The following MAPK14 variants were observed in gnomAD, a reference collection of about 807,000 sequenced individuals.
The protein encoded by MAPK14 is CSAID-binding protein.
MAPK14 carries 16 observed loss-of-function variants against 49.6 expected under a neutral mutation model. The ratio of observed to expected loss-of-function variants is 0.32; its 90% CI spans 0.22 to 0.49. MAPK14 has a LOEUF of 0.49. MAPK14 is among the 20% of genes least tolerant of loss of function. The probability of loss-of-function intolerance (pLI) is 0.99; values close to 1 mark genes in which losing one functional copy is unlikely to be tolerated. For missense variants in MAPK14, 200 were observed against 441.2 expected (o/e 0.45, Z 4.90); for synonymous variants, 142 against 158.0 (o/e 0.90, Z 0.76).
chr6:36,048,386 A>C (rs546705576), intron 1 of MAPK14, among the ~76,000 whole-genome samples: 20 of 152,018 alleles, frequency 1.3e-4, no homozygotes, highest in Non-Finnish European at 2.6e-4. Flanking sequence ...TATGTTGCTC[A>C]GGCTGATCTC....
intron 9 of MAPK14, chr6:36,096,925 C>G (rs1175111905): frequency 6.6e-6 from 1 of 152,208 alleles, no homozygotes; most frequent in African/African-American, 2.4e-5. Context: ...TTCCCTCGAT[C>G]TGCTGCCAGG....
chr6:36,029,930 GGTATATACATTCAGTATATACATATTA>G (rs1762473738), intron 1 of MAPK14, among the ~76,000 whole-genome samples: 1 of 115,632 alleles, frequency 8.6e-6, no homozygotes, highest in African/African-American at 4.1e-5. Context: ...ATATTATATA[GGTATATACATTCAGTATATACATATTA>G]TATATATCTA....
intron 1 of MAPK14, among the ~76,000 whole-genome samples, chr6:36,035,677 T>A (rs1460863156): frequency 6.6e-6 from 1 of 152,214 alleles, no homozygotes; most frequent in East Asian, 1.9e-4. Context: ...AAAATTATAT[T>A]CCAGTAAACA....
intron 8 of MAPK14, among the ~76,000 whole-genome samples, chr6:36,093,533 C>A (rs1765324698): frequency 6.6e-6 from 1 of 152,066 alleles, no homozygotes; most frequent in Non-Finnish European, 1.5e-5. Context: ...TTCTGGCTAA[C>A]ATGGTGAAAC....
At chr6:36,092,325 A>C in intron 8 of MAPK14, 1 of 616,270 alleles carries the variant, frequency 1.6e-6, no homozygotes, top group South Asian at 1.4e-5. Context: ...CCCAAAGAGC[A>C]GCTGCTCCTG....
intron 2 of MAPK14, among the ~76,000 whole-genome samples, chr6:36,053,590 G>A (rs535249052): frequency 1.3e-3 from 193 of 152,264 alleles, no homozygotes; most frequent in African/African-American, 4.1e-3. Flanking sequence ...TTCTGTGACT[G>A]CTATATGAAG....
chr6:36,061,203 G>C (rs1390524316), intron 3 of MAPK14, among the ~76,000 whole-genome samples: 1 of 152,154 alleles, frequency 6.6e-6, no homozygotes, highest in Non-Finnish European at 1.5e-5. Context: ...CAAAATTTTA[G>C]GTATACTAAG....
intron 3 of MAPK14, among the ~76,000 whole-genome samples, chr6:36,067,665 T>C (rs1444458495): frequency 6.6e-6 from 1 of 152,160 alleles, no homozygotes; most frequent in Admixed American, 6.5e-5. Flanking sequence ...TGAGAATAAT[T>C]TGTTGTGAAA....
At chr6:36,031,958 A>C (rs1309605939) in intron 1 of MAPK14, among the ~76,000 whole-genome samples, 3 of 151,694 alleles carry the variant, frequency 2.0e-5, no homozygotes, top group Non-Finnish European at 2.9e-5. Flanking sequence ...TTATTTATTT[A>C]TTTTGTAGAG....
At chr6:36,112,140 A>G (rs1765985565), downstream of MAPK14, among the ~76,000 whole-genome samples, 1 of 152,156 alleles carries the variant, frequency 6.6e-6, no homozygotes, top group East Asian at 1.9e-4. Context: ...AGGGAGGCGG[A>G]ACTTGCAGTG....
intron 1 of MAPK14, among the ~76,000 whole-genome samples, chr6:36,051,377 G>A (rs1027313880): frequency 6.6e-6 from 1 of 151,976 alleles, no homozygotes; most frequent in Non-Finnish European, 1.5e-5. Flanking sequence ...CCAAGGTGCT[G>A]GATTACAGGC....
intron 8 of MAPK14, among the ~76,000 whole-genome samples, chr6:36,089,166 A>G (rs1051674688): frequency 1.3e-5 from 2 of 152,242 alleles, no homozygotes; most frequent in Non-Finnish European, 2.9e-5. Flanking sequence ...AATGCCCATC[A>G]GTGATGGACT....
At chr6:36,067,347 A>G (rs548378136) in intron 3 of MAPK14, among the ~76,000 whole-genome samples, 11 of 152,228 alleles carry the variant, frequency 7.2e-5, no homozygotes, top group Non-Finnish European at 1.5e-4. Context: ...ATGTCCCTTT[A>G]TTATGATTAT....
At chr6:36,117,272 T>A in the MAPK14 span, among the ~76,000 whole-genome samples, 1 of 152,228 alleles carries the variant, frequency 6.6e-6, no homozygotes, top group African/African-American at 2.4e-5. Flanking sequence ...GCACTCGCTT[T>A]GTATGTCCTA....
At chr6:36,123,780 C>T in the MAPK14 span, among the ~76,000 whole-genome samples, 6 of 152,256 alleles carry the variant, frequency 3.9e-5, no homozygotes, top group South Asian at 6.2e-4. Context: ...TCAAACAGAG[C>T]GGAGGCCTGG....
At chr6:36,033,320 C>CT (rs67009009) in intron 1 of MAPK14, among the ~76,000 whole-genome samples, 63,579 of 145,978 alleles carry the variant, frequency 0.44, 14,763 homozygotes, top group South Asian at 0.6. Flanking sequence ...CATTTTTCCA[C>CT]TTTTTTTTTT....
chr6:36,111,762 G>A (rs939609762), downstream of MAPK14, among the ~76,000 whole-genome samples: 1 of 152,148 alleles, frequency 6.6e-6, no homozygotes, highest in African/African-American at 2.4e-5. Context: ...TGAGAGCTGG[G>A]TTTTTGTCCA....
Position 36,028,605 on chromosome 6 carries a change from G to T in MAPK14, c.116+332G>T, listed in dbSNP as rs929807884. On this transcript the variant is annotated intron_variant, in intron 1 of 11. Transcript: ENST00000229794. The surrounding 1 kb of genome is among the most constrained non-coding windows in gnomAD (Gnocchi z 5.1). ...ACCGGGGGAAGGGCCGCTTCCTTGG[G>T]GGTCTCCCTGCCTACCTGGAGCAGA... Among the ~76,000 whole-genome samples the T allele has an allele frequency of 6.6e-6, 1 of 152,146 alleles. No individual in the cohort carries two copies. Among genetic ancestry groups the T allele is most frequent in the Non-Finnish European group, 1.5e-5 (1 of 68,026 alleles).
chr6:36,034,685 A>G (rs16883860), intron 1 of MAPK14, among the ~76,000 whole-genome samples: 21,774 of 152,130 alleles, frequency 0.14, 1,936 homozygotes, highest in African/African-American at 0.26. Context: ...TTCAGTATTC[A>G]GAGTAGTTTG....
Sources: gnomAD v4.1 joint callset for allele counts (sites outside exome capture counted in the v4.1 genomes callset) on GRCh38, gnomAD v4.1.1 for gene constraint, Gnocchi (gnomAD v3.1) non-coding constraint, MANE v1.5 for transcripts, NCBI Gene and HGNC (gene_info 2026-07-23, HGNC 2026-07-21) for gene names.